Variants in CMTM8 observed in about 807,000 individuals in gnomAD.
The protein encoded by CMTM8 is CKLF like MARVEL transmembrane domain containing 8, also known as CKLF-like MARVEL transmembrane domain-containing protein 8.
CMTM8 carries 12 observed loss-of-function variants against 18.6 expected under a neutral mutation model. The observed-to-expected ratio is 0.65, with a 90% CI of 0.41 to 1.05. The LOEUF is 1.05. CMTM8 is among the 50% of genes least tolerant of loss of function. The pLI, the probability that CMTM8 is intolerant of heterozygous loss-of-function variation, is 0.00. For missense variants in CMTM8, 217 were observed against 227.2 expected (o/e 0.95, Z 0.29); for synonymous variants, 87 against 90.6 (o/e 0.96, Z 0.23).
intron 1 of CMTM8, among the ~76,000 whole-genome samples, chr3:32,240,355 C>A (rs1055198053): frequency 1.3e-5 from 2 of 152,216 alleles, no homozygotes; most frequent in African/African-American, 4.8e-5. Context: ...CTTCAGGAGA[C>A]TCAAAAGCTG....
intron 2 of CMTM8, 48 bp from the exon 3 acceptor site, chr3:32,367,824 T>C (rs1206877061): frequency 2.3e-6 from 3 of 1,317,090 alleles, no homozygotes; most frequent in Non-Finnish European, 3.3e-6. Flanking sequence ...TCCAGAGGTA[T>C]GCAGACCCTC....
chr3:32,366,553 C>T (rs115965437), intron 2 of CMTM8, among the ~76,000 whole-genome samples: 2 of 152,160 alleles, frequency 1.3e-5, no homozygotes, highest in South Asian at 2.1e-4. Context: ...CAAAGATGTT[C>T]GTTGCAGTAG....
At chr3:32,326,757 C>A (rs957551157) in intron 1 of CMTM8, among the ~76,000 whole-genome samples, 1 of 152,116 alleles carries the variant, frequency 6.6e-6, no homozygotes, top group African/African-American at 2.4e-5. Context: ...CTCAAGTGAT[C>A]CACCTACCTT....
In CMTM8 at chr3:32,355,988, C is replaced by T. The variant is rs114440998; in HGVS notation, c.148-1385C>T. On this transcript the variant is annotated intron_variant, in intron 1 of 3. Coordinates refer to ENST00000307526, the MANE Select transcript of CMTM8 (RefSeq NM_178868.5). ...CCCCCATCATAGACCCTTATCATACCGTTTACCTTCTTCATAACATTTGCC... is the reference window on the plus strand; with the variant it reads ...CCCCCATCATAGACCCTTATCATACTGTTTACCTTCTTCATAACATTTGCC... 4.0e-3 allele frequency among the ~76,000 whole-genome samples: 609 copies of T among 152,234 alleles called. 2 individuals are homozygous for T. Among genetic ancestry groups the T allele is most frequent in the African/African-American group, 0.014 (585 of 41,534 alleles).
intron 1 of CMTM8, among the ~76,000 whole-genome samples, chr3:32,271,067 A>G (rs536653955): frequency 2.6e-5 from 4 of 152,178 alleles, no homozygotes; most frequent in Non-Finnish European, 5.9e-5. Context: ...GAACATTACC[A>G]TATTTCAGAG....
chr3:32,327,783 C>G (rs1173909558), intron 1 of CMTM8, among the ~76,000 whole-genome samples: 2 of 152,218 alleles, frequency 1.3e-5, no homozygotes, highest in East Asian at 3.8e-4. Context: ...AGTATTATGG[C>G]AGATTGGCCA....
At chr3:32,343,114 TA>T (rs1696531977) in intron 1 of CMTM8, among the ~76,000 whole-genome samples, 1 of 152,188 alleles carries the variant, frequency 6.6e-6, no homozygotes, top group East Asian at 1.9e-4. Flanking sequence ...GACTATGGGA[TA>T]AATAAAAGTA....
rs1034400950 is a variant in CMTM8, at chr3:32,238,968, C to A, written c.-5C>A. 1.9e-6 allele frequency: 3 copies of A among 1,546,794 alleles called. No homozygotes were observed. Among genetic ancestry groups the A allele is most frequent in the East Asian group, 2.5e-5 (1 of 40,534 alleles). Reference sequence around the variant, plus strand: ...GGGACGCGCCAGCCCGGCAGTGGCTCGACGATGGAGGAGCCGCAGCGCGCC... The same window carrying A: ...GGGACGCGCCAGCCCGGCAGTGGCTAGACGATGGAGGAGCCGCAGCGCGCC... On this transcript the variant is annotated 5_prime_UTR_variant, in exon 1 of 4. Transcript: ENST00000307526.
At chr3:32,262,285 C>T (rs1381886054) in intron 1 of CMTM8, among the ~76,000 whole-genome samples, 3 of 152,184 alleles carry the variant, frequency 2.0e-5, no homozygotes, top group Non-Finnish European at 4.4e-5. Flanking sequence ...AACAAAGAGG[C>T]ATCCAAAGCA....
chr3:32,363,129 A>G (rs1696968526), intron 2 of CMTM8, among the ~76,000 whole-genome samples: 2 of 152,216 alleles, frequency 1.3e-5, no homozygotes, highest in African/African-American at 2.4e-5. Context: ...ATTGAGTACA[A>G]TCAGTTTGAT....
chr3:32,250,769 A>G (rs1473875357), intron 1 of CMTM8, among the ~76,000 whole-genome samples: 2 of 152,104 alleles, frequency 1.3e-5, no homozygotes, highest in South Asian at 2.1e-4. Flanking sequence ...AAAAATTTAT[A>G]CAAAAAAATT....
intron 1 of CMTM8, among the ~76,000 whole-genome samples, chr3:32,280,075 T>A (rs1702582880): frequency 6.6e-6 from 1 of 152,148 alleles, no homozygotes; most frequent in Non-Finnish European, 1.5e-5. Context: ...TATTGCTTCA[T>A]AGTGGTAACC....
chr3:32,320,762 A>G (rs1316360891), intron 1 of CMTM8, among the ~76,000 whole-genome samples: 1 of 152,150 alleles, frequency 6.6e-6, no homozygotes, highest in Non-Finnish European at 1.5e-5. Context: ...GGTGGGGGAT[A>G]TGCTGGGTAA....
At position 32,296,565 on chromosome 3, in the gene CMTM8, C is replaced by A. The variant is rs1180271221; in HGVS notation, c.147+57446C>A. On this transcript the variant is annotated intron_variant, in intron 1 of 3. Transcript: ENST00000307526. ...CCCTTGAGGCAAGCAACAGGTCCTG[C>A]TTCTGGTCCATCACAGGTCTGATGA... Among the ~76,000 whole-genome samples, 7 of 152,200 alleles carry A rather than the reference C, an allele frequency of 4.6e-5. No individual in the cohort carries two copies. In the East Asian group the frequency reaches 1.3e-3, roughly 29 times the overall value.
intron 1 of CMTM8, among the ~76,000 whole-genome samples, chr3:32,344,910 G>A (rs1449842785): frequency 6.6e-6 from 1 of 151,884 alleles, no homozygotes; most frequent in African/African-American, 2.4e-5. Context: ...CAAAAAACCT[G>A]ACATTTGTTT....
At chr3:32,239,305 T>C (rs1701914110) in intron 1 of CMTM8, among the ~76,000 whole-genome samples, 186 bp downstream of exon 1, 1 of 151,932 alleles carries the variant, frequency 6.6e-6, no homozygotes, top group Non-Finnish European at 1.5e-5. Flanking sequence ...CGGGCTGTCC[T>C]GGGAAGAAAG....
chr3:32,278,284 G>A lies in CMTM8; in HGVS notation c.147+39165G>A, dbSNP rs1702548966. Among the ~76,000 whole-genome samples the A allele has an allele frequency of 1.3e-5, 2 of 152,168 alleles. 1 individual carries two copies. The highest frequency in any genetic ancestry group is 4.1e-4 in the South Asian group (2 of 4,830). On this transcript the variant is annotated intron_variant, in intron 1 of 3. Transcript: ENST00000307526. ...CTGGGGAAATGTGGTCCTCATCTAC[G>A]TGGCCATGTGAATAGTTAAAACCCA...
chr3:32,271,466 C>A (rs1031660115), intron 1 of CMTM8, among the ~76,000 whole-genome samples: 1 of 152,196 alleles, frequency 6.6e-6, no homozygotes, highest in African/African-American at 2.4e-5. Flanking sequence ...TATTGTTTAC[C>A]TTGTCTCATT....
At chr3:32,364,300 C>T (rs866447075) in intron 2 of CMTM8, among the ~76,000 whole-genome samples, 5 of 152,058 alleles carry the variant, frequency 3.3e-5, no homozygotes, top group Admixed American at 6.6e-5. Context: ...GTCAGGAGAT[C>T]GAGACCATCT....
Sources: allele counts gnomAD v4.1 joint callset (sites outside exome capture counted in the v4.1 genomes callset), GRCh38; gene constraint gnomAD v4.1.1; transcripts MANE v1.5; gene names NCBI Gene and HGNC (gene_info 2026-07-23, HGNC 2026-07-21).